PDZRN3: variants seen among roughly 807,000 people sequenced by gnomAD.
PDZRN3 encodes the protein E3 ubiquitin-protein ligase PDZRN3.
PDZRN3 carries 38 observed loss-of-function variants against 85.7 expected under a neutral mutation model. That is an observed-to-expected ratio of 0.44 (90% confidence interval 0.34 to 0.58). The LOEUF (loss-of-function observed/expected upper bound fraction) is 0.58. Ranked by LOEUF, PDZRN3 falls within the 20% of genes least tolerant of loss-of-function variation. PDZRN3 has a pLI of 0.01. For synonymous variants in PDZRN3, 759 were observed against 638.0 expected (o/e 1.19, Z -2.86); for missense variants, 1,629 against 1,506.4 (o/e 1.08, Z -1.35).
intron 2 of PDZRN3, among the ~76,000 whole-genome samples, chr3:73,602,941 T>C (rs563323533): frequency 6.6e-6 from 1 of 152,342 alleles, no homozygotes; most frequent in African/African-American, 2.4e-5. Context: ...TAATAAACAC[T>C]GTTTTCATTT....
chr3:73,513,885 C>A (rs36101177), intron 3 of PDZRN3, among the ~76,000 whole-genome samples: 2 of 152,152 alleles, frequency 1.3e-5, no homozygotes, highest in Non-Finnish European at 2.9e-5. Context: ...TCAGAGATGA[C>A]AAAATAGAAG....
intron 8 of PDZRN3, among the ~76,000 whole-genome samples, chr3:73,386,225 A>ATTTTTTTTTT (rs1576018763): frequency 5.2e-5 from 2 of 38,648 alleles, no homozygotes; most frequent in Admixed American, 2.6e-4. Context: ...GCAAGATATC[A>ATTTTTTTTTT]CTTTTTTTTT....
chr3:73,427,812 C>T (rs1019983332), intron 3 of PDZRN3, among the ~76,000 whole-genome samples: 35 of 152,314 alleles, frequency 2.3e-4, no homozygotes, highest in South Asian at 1.0e-3. Context: ...TCACAGAGAA[C>T]GATGCAAAGT....
chr3:73,492,339 CTGGG>C (rs1339041215), intron 3 of PDZRN3, among the ~76,000 whole-genome samples: 1 of 152,182 alleles, frequency 6.6e-6, no homozygotes, highest in Non-Finnish European at 1.5e-5. Context: ...ATATCATAGG[CTGGG>C]CTGTGTGCCT....
At chr3:73,446,736 A>C (rs916089056) in intron 3 of PDZRN3, among the ~76,000 whole-genome samples, 1 of 152,084 alleles carries the variant, frequency 6.6e-6, no homozygotes, top group Non-Finnish European at 1.5e-5. Context: ...ACCTTCCCTT[A>C]CCTTAGGAAG....
intron 3 of PDZRN3, among the ~76,000 whole-genome samples, chr3:73,516,634 A>C (rs1176544720): frequency 1.3e-5 from 2 of 152,222 alleles, no homozygotes; most frequent in South Asian, 4.1e-4. Context: ...TCAAATGACC[A>C]ATCTTTTTCT....
At chr3:73,444,863 G>C (rs1702717297) in intron 3 of PDZRN3, among the ~76,000 whole-genome samples, 1 of 152,224 alleles carries the variant, frequency 6.6e-6, no homozygotes, top group South Asian at 2.1e-4. Context: ...AAACAAGCCA[G>C]GCCAGAGCCA....
At chr3:73,468,661 C>G (rs1051609486) in intron 3 of PDZRN3, among the ~76,000 whole-genome samples, 2 of 152,184 alleles carry the variant, frequency 1.3e-5, no homozygotes, top group Non-Finnish European at 2.9e-5. Flanking sequence ...ATTTAACAAG[C>G]TTTAAATAAC....
intron 3 of PDZRN3, among the ~76,000 whole-genome samples, chr3:73,583,188 T>G (rs1486669084): frequency 6.6e-6 from 1 of 152,198 alleles, no homozygotes; most frequent in Admixed American, 6.5e-5. Flanking sequence ...TCGTGCTCAT[T>G]TTTCAGGCAA....
chr3:73,502,178 A>T (rs9871436), intron 3 of PDZRN3, among the ~76,000 whole-genome samples: 1 of 152,188 alleles, frequency 6.6e-6, no homozygotes. Context: ...AAAATAAGGC[A>T]CTACTTACAC....
chr3:73,431,967 C>T (rs1377034647), intron 3 of PDZRN3, among the ~76,000 whole-genome samples: 2 of 152,070 alleles, frequency 1.3e-5, no homozygotes, highest in African/African-American at 4.8e-5. Flanking sequence ...TGGAGGGTGC[C>T]AGTGTAATTA....
At chr3:73,505,963 T>TC (rs1317594123) in intron 3 of PDZRN3, among the ~76,000 whole-genome samples, 3 of 151,544 alleles carry the variant, frequency 2.0e-5, no homozygotes, top group South Asian at 2.1e-4. Context: ...ATGACAAGTA[T>TC]CCCCCCTAAG....
In PDZRN3 at chr3:73,400,781, C is replaced by G. The variant is rs895557890; in HGVS notation, c.1254+141G>C. 5.9e-6 allele frequency: 4 copies of G among 674,534 alleles called. No homozygotes were observed. The African/African-American group carries it at 7.0e-5, about 12-fold the overall frequency. 41.8% of individuals were successfully genotyped at this position (674,534 alleles called of 1,614,324 possible). A position where few individuals can be genotyped will look rare whatever the true frequency, so the allele number is the denominator to read the frequency against. On this transcript the variant is annotated intron_variant, in intron 5 of 9. Transcript: ENST00000263666. ...GAAGAAGAATCTCAGTTGTGCCTTT[C>G]AAAGGGCATCAGTAAAAGTGGTTCT...
At position 73,560,629 on chromosome 3, in the gene PDZRN3, T is replaced by C. The variant is rs539317803; in HGVS notation, c.918+41725A>G. ...TTAAATGTTTAAATGCACCTGTGCATACTCAATTGTATCTGCCCCTTTTCC... is the reference window on the plus strand; with the variant it reads ...TTAAATGTTTAAATGCACCTGTGCACACTCAATTGTATCTGCCCCTTTTCC... On this transcript the variant is annotated intron_variant, in intron 3 of 9. Coordinates refer to ENST00000263666, the MANE Select transcript of PDZRN3 (RefSeq NM_015009.3). Among the ~76,000 whole-genome samples the C allele has an allele frequency of 2.0e-5, 3 of 152,360 alleles. No homozygotes were observed. In the South Asian group the frequency reaches 6.2e-4, roughly 32 times the overall value.
intron 3 of PDZRN3, among the ~76,000 whole-genome samples, chr3:73,430,498 T>C (rs1702409428): frequency 6.6e-6 from 1 of 152,194 alleles, no homozygotes; most frequent in Non-Finnish European, 1.5e-5. Context: ...TAAATGATAC[T>C]GGCTGGGGTG....
chr3:73,593,512 C>T (rs1031116951), intron 3 of PDZRN3, among the ~76,000 whole-genome samples: 6 of 152,112 alleles, frequency 3.9e-5, no homozygotes, highest in Non-Finnish European at 5.9e-5. Context: ...AATATCCTGA[C>T]TGCAGGGTTT....
intron 3 of PDZRN3, among the ~76,000 whole-genome samples, chr3:73,600,977 G>A (rs1186330193): frequency 6.6e-6 from 1 of 152,134 alleles, no homozygotes; most frequent in African/African-American, 2.4e-5. Flanking sequence ...AACATTCAAA[G>A]GGGATGCAAC....
chr3:73,456,865 G>T (rs752106098), intron 3 of PDZRN3, among the ~76,000 whole-genome samples: 122 of 151,978 alleles, frequency 8.0e-4, no homozygotes, highest in South Asian at 1.5e-3. Flanking sequence ...AATATATAAA[G>T]AACTTGATTT....
intron 3 of PDZRN3, among the ~76,000 whole-genome samples, chr3:73,435,668 T>C (rs1227060229): frequency 6.6e-6 from 1 of 152,194 alleles, no homozygotes; most frequent in Non-Finnish European, 1.5e-5. Context: ...ATTCTGCCTA[T>C]TGCCCTTGCA....
Sources: allele counts gnomAD v4.1 joint callset (sites outside exome capture counted in the v4.1 genomes callset), GRCh38; gene constraint gnomAD v4.1.1; transcripts MANE v1.5; gene names NCBI Gene and HGNC (gene_info 2026-07-23, HGNC 2026-07-21).